Variants in PRKN observed in about 807,000 individuals in gnomAD.
The protein encoded by PRKN is E3 ubiquitin-protein ligase parkin.
Under a neutral mutation model 59.5 loss-of-function variants are expected in PRKN, and 56 were observed. The ratio of observed to expected loss-of-function variants is 0.94; its 90% CI spans 0.76 to 1.18. PRKN has a LOEUF of 1.18. PRKN is among the 50% of genes most tolerant of loss of function. PRKN has a pLI of 0.00. For missense variants in PRKN, 657 were observed against 596.4 expected (o/e 1.10, Z -1.06); for synonymous variants, 250 against 222.1 (o/e 1.13, Z -1.12).
chr6:162,646,073 C>A (rs776050942), intron 1 of PRKN, among the ~76,000 whole-genome samples: 1 of 151,626 alleles, frequency 6.6e-6, no homozygotes, highest in Non-Finnish European at 1.5e-5. Flanking sequence ...ACGGTTTCAC[C>A]GTGTTAGCCA....
At chr6:161,364,389 C>T (rs28826441) in intron 10 of PRKN, among the ~76,000 whole-genome samples, 10,272 of 129,912 alleles carry the variant, frequency 0.079, 1,256 homozygotes, top group African/African-American at 0.27. Context: ...AACCGGGAGG[C>T]GGAGGTTGCA....
intron 1 of PRKN, among the ~76,000 whole-genome samples, chr6:162,664,432 T>A (rs760576784): frequency 6.6e-6 from 1 of 152,216 alleles, no homozygotes; most frequent in African/African-American, 2.4e-5. Flanking sequence ...CTGGGTTAAA[T>A]AGTATTTATG....
At chr6:161,987,371 T>C (rs1476732934) in intron 5 of PRKN, among the ~76,000 whole-genome samples, 1 of 152,190 alleles carries the variant, frequency 6.6e-6, no homozygotes, top group Non-Finnish European at 1.5e-5. Context: ...TATATATCGA[T>C]GGGCGTAGAC....
At chr6:162,011,203 T>A (rs1304056805) in intron 5 of PRKN, among the ~76,000 whole-genome samples, 1 of 34,978 alleles carries the variant, frequency 2.9e-5, no homozygotes, top group Non-Finnish European at 5.2e-5. Flanking sequence ...TATACTATAT[T>A]ATATATAATA....
At chr6:161,830,206 G>A (rs1054994103) in intron 6 of PRKN, among the ~76,000 whole-genome samples, 8 of 152,024 alleles carry the variant, frequency 5.3e-5, no homozygotes, top group South Asian at 4.2e-4. Flanking sequence ...TCTCTGCTGC[G>A]TGTTCCTGTC....
At chr6:162,450,891 T>G (rs9458559) in intron 1 of PRKN, among the ~76,000 whole-genome samples, 83,183 of 152,052 alleles carry the variant, frequency 0.55, 24,714 homozygotes, top group African/African-American at 0.78. Flanking sequence ...ATCAGCATTC[T>G]TTCATTAATG....
chr6:162,681,716 C>T (rs886498807), intron 1 of PRKN, among the ~76,000 whole-genome samples: 13 of 152,070 alleles, frequency 8.5e-5, no homozygotes, highest in Non-Finnish European at 1.9e-4. Flanking sequence ...AGGTGTGTGA[C>T]CTTTGTAACT....
chr6:161,567,183 C>T (rs1189535296), intron 8 of PRKN, among the ~76,000 whole-genome samples: 1 of 151,960 alleles, frequency 6.6e-6, no homozygotes, highest in Admixed American at 6.6e-5. Flanking sequence ...GGATTACAGG[C>T]GTGCACCACC....
chr6:162,523,842 C>T (rs1258257296), intron 1 of PRKN, among the ~76,000 whole-genome samples: 1 of 151,880 alleles, frequency 6.6e-6, no homozygotes, highest in Non-Finnish European at 1.5e-5. Context: ...CATAGCACCA[C>T]CCCATCTCTA....
At chr6:162,551,817 C>T (rs927329008) in intron 1 of PRKN, among the ~76,000 whole-genome samples, 2 of 152,332 alleles carry the variant, frequency 1.3e-5, no homozygotes, top group East Asian at 3.9e-4. Context: ...ATTGACAGAT[C>T]AAGTTATTCA....
At chr6:162,004,273 C>T (rs1210533224) in intron 5 of PRKN, among the ~76,000 whole-genome samples, 1 of 152,192 alleles carries the variant, frequency 6.6e-6, no homozygotes, top group South Asian at 2.1e-4. Context: ...CCCGCTCTTG[C>T]TCCTGCTCCT....
At chr6:161,786,335 T>C (rs1790418680) in intron 6 of PRKN, among the ~76,000 whole-genome samples, 1 of 152,188 alleles carries the variant, frequency 6.6e-6, no homozygotes, top group African/African-American at 2.4e-5. Flanking sequence ...AAGTAGTTCC[T>C]ATGTTTATTT....
At chr6:162,280,189 CGT>C (rs557640745) in intron 2 of PRKN, among the ~76,000 whole-genome samples, 5 of 152,206 alleles carry the variant, frequency 3.3e-5, no homozygotes, top group African/African-American at 1.2e-4. Context: ...AATACTACTA[CGT>C]GTGAATTTGT....
chr6:162,371,700 G>A (rs1785778398), intron 2 of PRKN, among the ~76,000 whole-genome samples: 1 of 152,142 alleles, frequency 6.6e-6, no homozygotes, highest in South Asian at 2.1e-4. Flanking sequence ...ATGGTACTGT[G>A]TACACTGCCT....
Position 162,084,194 on chromosome 6 carries a change from A to G in PRKN, c.535-30020T>C, listed in dbSNP as rs1779166628. On this transcript the variant is annotated intron_variant, in intron 4 of 11. Transcript: ENST00000366898. The stretch of plus-strand genomic sequence containing the variant: ...TAAAATATAATATTAGGTTGGTGCA[A>G]AAGATTTTTACCATTAAAAGCAATA... Among the ~76,000 whole-genome samples, 3 of 152,086 alleles carry G rather than the reference A, an allele frequency of 2.0e-5. No individual in the cohort carries two copies. The South Asian group carries it at 6.2e-4, about 32-fold the overall frequency.
chr6:161,773,931 T>G (rs1789801449), intron 7 of PRKN, among the ~76,000 whole-genome samples: 1 of 151,782 alleles, frequency 6.6e-6, no homozygotes, highest in South Asian at 2.1e-4. Flanking sequence ...AGGAAGGGAG[T>G]GATGCTGCTG....
chr6:162,480,247 A>T (rs1387977848), intron 1 of PRKN, among the ~76,000 whole-genome samples: 1 of 152,090 alleles, frequency 6.6e-6, no homozygotes, highest in East Asian at 1.9e-4. Context: ...TTGTACTAGG[A>T]TGTTACCATG....
chr6:162,695,291 T>C (rs1398561653), intron 1 of PRKN, among the ~76,000 whole-genome samples: 2 of 152,134 alleles, frequency 1.3e-5, no homozygotes, highest in African/African-American at 4.8e-5. Context: ...ATTCAAGATG[T>C]ATCATGCATT....
intron 6 of PRKN, among the ~76,000 whole-genome samples, chr6:161,808,158 T>G (rs1487020260): frequency 6.6e-6 from 1 of 152,160 alleles, no homozygotes; most frequent in African/African-American, 2.4e-5. Flanking sequence ...ATTATTAATA[T>G]TTTCATCACA....
Sources: gnomAD v4.1 joint callset for allele counts (sites outside exome capture counted in the v4.1 genomes callset) on GRCh38, gnomAD v4.1.1 for gene constraint, MANE v1.5 for transcripts, NCBI Gene and HGNC (gene_info 2026-07-23, HGNC 2026-07-21) for gene names.